Variants in PCDHGA1 observed in about 807,000 individuals in gnomAD.
PCDHGA1 encodes protocadherin gamma subfamily A, 1, also known as protocadherin gamma-A1.
Under a neutral mutation model 58.0 loss-of-function variants are expected in PCDHGA1, and 32 were observed. The observed-to-expected ratio is 0.55, with a 90% CI of 0.42 to 0.74. PCDHGA1 has a LOEUF of 0.74. Ranked by LOEUF, PCDHGA1 falls within the 30% of genes least tolerant of loss-of-function variation. PCDHGA1 has a pLI of 0.00. For missense variants in PCDHGA1, 1,205 were observed against 1,182.3 expected (o/e 1.02, Z -0.28); for synonymous variants, 498 against 501.1 (o/e 0.99, Z 0.08).
Position 141,477,376 on chromosome 5 carries a change from G to A in PCDHGA1, c.2422-17431G>A. The A allele has an allele frequency of 6.2e-7, 1 of 1,614,146 alleles. No homozygotes were observed. Among genetic ancestry groups the A allele is most frequent in the Non-Finnish European group, 8.5e-7 (1 of 1,180,026 alleles). ...GTGCAGACCTGGATCGGGAGACTGT[G>A]CCAGAATACAACCTCAGCATCACCG... On this transcript the variant is annotated intron_variant, in intron 1 of 3. Transcript: ENST00000517417. This position sits in a 1 kb window ranked among gnomAD's most constrained non-coding sequence, Gnocchi z 4.9.
chr5:141,419,465 G>T, intron 1 of PCDHGA1: 2 of 1,612,542 alleles, frequency 1.2e-6, no homozygotes, highest in Non-Finnish European at 1.7e-6. Context: ...GCAGGCCCGC[G>T]ACCAGGGCTC....
chr5:141,399,968 G>T (rs1173181110), intron 1 of PCDHGA1: 2 of 1,612,128 alleles, frequency 1.2e-6, no homozygotes, highest in Non-Finnish European at 1.7e-6. Flanking sequence ...GGGCTCTTCA[G>T]CCTGGGGCTG....
chr5:141,389,152 C>T (rs1176301501), intron 1 of PCDHGA1: 2 of 1,614,022 alleles, frequency 1.2e-6, no homozygotes, highest in South Asian at 2.2e-5. Flanking sequence ...GTTACGGCAA[C>T]AGATCGGGGC....
intron 2 of PCDHGA1, among the ~76,000 whole-genome samples, chr5:141,496,767 T>C (rs2099771224): frequency 6.6e-6 from 1 of 152,040 alleles, no homozygotes; most frequent in Non-Finnish European, 1.5e-5. Flanking sequence ...ATCGAGCATC[T>C]ACTATGAGCA....
At chr5:141,503,010 A>AT (rs199924715) in intron 2 of PCDHGA1, among the ~76,000 whole-genome samples, 26,593 of 146,658 alleles carry the variant, frequency 0.18, 2,532 homozygotes, top group Admixed American at 0.29. Context: ...TGCCCGGTTA[A>AT]TTTTTTTTTT....
intron 1 of PCDHGA1, chr5:141,367,429 C>T (rs1303829786): frequency 6.6e-6 from 1 of 152,054 alleles, no homozygotes; most frequent in Non-Finnish European, 1.5e-5. Context: ...CCCAGCTACT[C>T]GGAAGGCTGA....
rs761483380 is a variant in PCDHGA1, at chr5:141,360,655, GACA to G, written c.2421+27553_2421+27555del. ...CTCACTACAAAGATACCACCTTAAT[GACA>G]ACGAGTACTTTGATCTCGCTGAGAA... On this transcript the variant is annotated intron_variant, in intron 1 of 3. Transcript: ENST00000517417. 1.3e-4 allele frequency: 212 copies of G among 1,613,970 alleles called. No homozygotes were observed. The Middle Eastern group carries it at 2.3e-3, about 18-fold the overall frequency.
intron 1 of PCDHGA1, chr5:141,413,659 A>G (rs2095663872): frequency 1.2e-6 from 2 of 1,613,830 alleles, no homozygotes; most frequent in African/African-American, 1.3e-5. Flanking sequence ...CCCGGAAGCT[A>G]TTGATCCGGA....
intron 1 of PCDHGA1, chr5:141,375,081 T>C (rs1588758093): frequency 1.9e-6 from 3 of 1,613,960 alleles, no homozygotes; most frequent in Non-Finnish European, 2.5e-6. Context: ...AGAGCGAAAG[T>C]CTTAATAACT....
intron 1 of PCDHGA1, among the ~76,000 whole-genome samples, chr5:141,363,469 T>G (rs892599047): frequency 2.0e-5 from 3 of 152,254 alleles, no homozygotes; most frequent in African/African-American, 4.8e-5. Context: ...TATCTGCTCA[T>G]GCTTTCCTGC....
Position 141,489,826 on chromosome 5 carries a change from C to T in PCDHGA1, c.2422-4981C>T, listed in dbSNP as rs1270077118. 1 of 1,614,186 alleles carries T rather than the reference C, an allele frequency of 6.2e-7. No individual in the cohort carries two copies. The highest frequency in any genetic ancestry group is 1.7e-5 in the Admixed American group (1 of 60,028). On this transcript the variant is annotated intron_variant, in intron 1 of 3. Coordinates refer to ENST00000517417, the MANE Select transcript of PCDHGA1 (RefSeq NM_018912.3). The surrounding 1 kb of genome is among the most constrained non-coding windows in gnomAD (Gnocchi z 4.5). ...TGGGAAGCCATTCCCAGAGCTGGTGCTAGAGCAGCAGCTGGATCGTGAAGC... is the reference window on the plus strand; with the variant it reads ...TGGGAAGCCATTCCCAGAGCTGGTGTTAGAGCAGCAGCTGGATCGTGAAGC...
rs747722740 is a variant in PCDHGA1, at chr5:141,485,835, C to G, written c.2422-8972C>G. 3 of 1,614,190 alleles carry G rather than the reference C, an allele frequency of 1.9e-6. No homozygotes were observed. In the South Asian group the frequency reaches 3.3e-5, roughly 18 times the overall value. On this transcript the variant is annotated intron_variant, in intron 1 of 3. Transcript: ENST00000517417. This position sits in a 1 kb window ranked among gnomAD's most constrained non-coding sequence, Gnocchi z 5.7. ...ACTGCTGTCGATGGAGGGAACCCGC[C>G]GAGATCTGGCACCGCAGAGCTCCGG...
At position 141,486,134 on chromosome 5, in the gene PCDHGA1, C is replaced by T; in HGVS notation, c.2422-8673C>T. 6.2e-7 allele frequency: 1 copy of T among 1,614,168 alleles called. No homozygotes were observed. ...TGAGAATTACTATGAATTTGATGTG[C>T]GGGCTCGCGATGGGGGTTCTCCAGC... On this transcript the variant is annotated intron_variant, in intron 1 of 3. Coordinates refer to ENST00000517417, the MANE Select transcript of PCDHGA1 (RefSeq NM_018912.3). The surrounding 1 kb of genome is among the most constrained non-coding windows in gnomAD (Gnocchi z 5.0).
At chr5:141,412,980 A>G (rs2095595071) in intron 1 of PCDHGA1, 2 of 543,674 alleles carry the variant, frequency 3.7e-6, no homozygotes, top group Non-Finnish European at 6.3e-6. Flanking sequence ...AAACGCAGCC[A>G]GAGCTCAATC....
intron 1 of PCDHGA1, chr5:141,385,033 C>T (rs749144502): frequency 1.2e-6 from 2 of 1,614,182 alleles, no homozygotes; most frequent in East Asian, 2.2e-5. Context: ...CCTCGTACTG[C>T]TGGCGCTCAG....
At chr5:141,426,714 C>T (rs779529448) in intron 1 of PCDHGA1, 2 of 444,724 alleles carry the variant, frequency 4.5e-6, no homozygotes, top group South Asian at 3.1e-5. Flanking sequence ...AATCAATGAA[C>T]TAGCAATTCC....
chr5:141,409,248 T>A (rs779725312), intron 1 of PCDHGA1: 3 of 1,614,032 alleles, frequency 1.9e-6, no homozygotes, highest in South Asian at 2.2e-5. Context: ...GAAATAATCA[T>A]CACTTCTCTC....
chr5:141,333,047 A>G lies in PCDHGA1; in HGVS notation c.2363A>G (p.Lys788Arg), dbSNP rs1215557074. 6.2e-7 allele frequency: 1 copy of G among 1,614,096 alleles called. No homozygotes were observed. Among genetic ancestry groups the G allele is most frequent in the Non-Finnish European group, 8.5e-7 (1 of 1,180,046 alleles). Residue 788 changes from lysine to arginine, a missense_variant, in exon 1 of 4, where the codon AAG (lysine) becomes AGG (arginine). By Grantham distance (26) the Lys-to-Arg change is conservative. Transcript: ENST00000517417. Reference sequence around the variant, plus strand: ...ATCAGCCAGGAGAGCTGTGAGAAAAAGGGTTTTCTATCAGCACCCCAGTCT... The same window carrying G: ...ATCAGCCAGGAGAGCTGTGAGAAAAGGGGTTTTCTATCAGCACCCCAGTCT... ...TLISQESCEKKGFLSAPQSLL... is the reference protein window; with the variant it reads ...TLISQESCEKRGFLSAPQSLL...
intron 1 of PCDHGA1, among the ~76,000 whole-genome samples, chr5:141,369,925 G>A (rs376465013): frequency 3.9e-5 from 6 of 152,186 alleles, no homozygotes; most frequent in Non-Finnish European, 4.4e-5. Flanking sequence ...AACTAAAAAC[G>A]TGACGGGATT....
Sources: allele counts gnomAD v4.1 joint callset (sites outside exome capture counted in the v4.1 genomes callset), GRCh38; gene constraint gnomAD v4.1.1; non-coding constraint Gnocchi (gnomAD v3.1); transcripts MANE v1.5; gene names NCBI Gene and HGNC (gene_info 2026-07-23, HGNC 2026-07-21).